The following ARID5B variants were observed in gnomAD, a reference collection of about 807,000 sequenced individuals.
ARID5B encodes the protein AT-rich interaction domain 5B.
In ARID5B, 13 loss-of-function variants were observed where a neutral mutation model predicts 97.2. That is an observed-to-expected ratio of 0.13 (90% confidence interval 0.09 to 0.21). ARID5B has a LOEUF of 0.21. ARID5B is among the 10% of genes least tolerant of loss of function. ARID5B has a pLI of 1.00. For synonymous variants in ARID5B, 556 were observed against 570.3 expected (o/e 0.97, Z 0.36); for missense variants, 1,210 against 1,465.3 (o/e 0.83, Z 2.84).
intron 4 of ARID5B, among the ~76,000 whole-genome samples, chr10:62,030,814 C>T (rs1204286290): frequency 2.6e-5 from 4 of 152,118 alleles, no homozygotes; most frequent in South Asian, 2.1e-4. Context: ...GTTTTTGGAG[C>T]GCAAAGGGTC....
chr10:61,955,116 G>A (rs1336591784), intron 3 of ARID5B, among the ~76,000 whole-genome samples: 1 of 152,124 alleles, frequency 6.6e-6, no homozygotes, highest in Non-Finnish European at 1.5e-5. Flanking sequence ...GGATGCTGTA[G>A]TAGCAACATT....
At chr10:61,949,758 G>A (rs1400382484) in intron 3 of ARID5B, among the ~76,000 whole-genome samples, 1 of 152,182 alleles carries the variant, frequency 6.6e-6, no homozygotes, top group Non-Finnish European at 1.5e-5. Context: ...TGTAGAGATT[G>A]CCATCTGATG....
At position 62,090,863 on chromosome 10, in the gene ARID5B, T is replaced by A; in HGVS notation, c.1400T>A (p.Val467Asp). 1 of 1,567,982 alleles carries A rather than the reference T, an allele frequency of 6.4e-7. No individual in the cohort carries two copies. The highest frequency in any genetic ancestry group is 8.6e-7 in the Non-Finnish European group (1 of 1,164,524). The change falls in exon 10 of 10, where the codon GTT becomes GAT. Residue 467 changes from valine to aspartate, a missense_variant and splice_region_variant. Physicochemically the swap from Val to Asp is radical, Grantham distance 152. This residue lies in a region of ARID5B where 800 missense variants were observed against 839.1 expected (regional missense o/e 0.95). Transcript: ENST00000279873. ...NAPKPQDAAE[V>D]SSEQEKEQET... ...CTGTCTTTTGAAATATGTTACCAGG[T>A]TTCATCAGAGCAAGAAAAAGAACAA...
chr10:61,963,919 AG>A lies in ARID5B; in HGVS notation c.502+23512del, dbSNP rs1427092383. Among the ~76,000 whole-genome samples the A allele has an allele frequency of 3.9e-5, 6 of 152,254 alleles. No homozygotes were observed. In the South Asian group the frequency reaches 1.2e-3, roughly 32 times the overall value. On this transcript the variant is annotated intron_variant, in intron 3 of 9. Transcript: ENST00000279873. ...TCTCAGTTAAAGGAGCTTAACACAG[AG>A]ACAGATGTGCCTGGTGTGAAAAACA...
intron 3 of ARID5B, among the ~76,000 whole-genome samples, chr10:61,991,159 T>C (rs1186617975): frequency 6.6e-6 from 1 of 152,072 alleles, no homozygotes; most frequent in Non-Finnish European, 1.5e-5. Flanking sequence ...ACAATCAACA[T>C]TGGTATGTAA....
At chr10:62,017,351 C>A (rs1415258067) in intron 4 of ARID5B, among the ~76,000 whole-genome samples, 1 of 151,890 alleles carries the variant, frequency 6.6e-6, no homozygotes, top group Non-Finnish European at 1.5e-5. Context: ...ACTGAGGAGG[C>A]TGAGGTGGGA....
At chr10:61,986,784 A>G (rs1448115855) in intron 3 of ARID5B, among the ~76,000 whole-genome samples, 3 of 152,112 alleles carry the variant, frequency 2.0e-5, no homozygotes, top group East Asian at 3.9e-4. Flanking sequence ...ACTTTGGAAA[A>G]CAGCTTGCAA....
chr10:61,973,984 G>A (rs1229645308), intron 3 of ARID5B, among the ~76,000 whole-genome samples: 2 of 152,178 alleles, frequency 1.3e-5, no homozygotes, highest in African/African-American at 4.8e-5. Context: ...CTTTTGCGAT[G>A]TATATACTGT....
Position 62,092,374 on chromosome 10 carries a change from T to G in ARID5B, c.2911T>G (p.Ser971Ala), listed in dbSNP as rs1375363715. The G allele has an allele frequency of 1.2e-6, 2 of 1,614,088 alleles. No homozygotes were observed. Among genetic ancestry groups the G allele is most frequent in the South Asian group, 2.2e-5 (2 of 91,082 alleles). The change falls in exon 10 of 10, where the codon TCG becomes GCG. Residue 971 changes from serine (S) to alanine (A), a missense_variant. By Grantham distance (99) the Ser-to-Ala change is moderately conservative (BLOSUM62 1). Coordinates refer to ENST00000279873, the MANE Select transcript of ARID5B (RefSeq NM_032199.3). ...TMSGPKKYPE[S>A]LSRSGKPHHV... ...GTCAGGCCCTAAAAAATACCCTGAA[T>G]CGCTTTCAAGATCAGGAAAACCTCA...
intron 7 of ARID5B, 26 bp downstream of exon 7, chr10:62,059,321 A>G: frequency 6.2e-7 from 1 of 1,603,484 alleles, no homozygotes; most frequent in Non-Finnish European, 8.5e-7. Flanking sequence ...ACTTAAATGA[A>G]ATAATTTTGC....
intron 8 of ARID5B, among the ~76,000 whole-genome samples, chr10:62,076,484 A>G (rs1449615191): frequency 6.9e-6 from 1 of 144,632 alleles, no homozygotes; most frequent in Non-Finnish European, 1.5e-5. Flanking sequence ...ATGGCTGAAT[A>G]TGGGAAGTGG....
intron 3 of ARID5B, among the ~76,000 whole-genome samples, chr10:61,976,907 T>G (rs568934811): frequency 6.6e-6 from 1 of 151,830 alleles, no homozygotes; most frequent in Non-Finnish European, 1.5e-5. Flanking sequence ...ATGTGCACAA[T>G]GTGCAGGTTT....
intron 2 of ARID5B, among the ~76,000 whole-genome samples, chr10:61,914,937 G>A (rs1049926782): frequency 3.3e-5 from 5 of 152,148 alleles, no homozygotes; most frequent in Admixed American, 1.3e-4. Context: ...ACCAGTGGGC[G>A]AGCTTAGTTT....
Position 62,091,385 on chromosome 10 carries a change from C to T in ARID5B, c.1922C>T (p.Ala641Val), listed in dbSNP as rs772420176. 15 of 1,613,882 alleles carry T rather than the reference C, an allele frequency of 9.3e-6. No homozygotes were observed. Among genetic ancestry groups the T allele is most frequent in the South Asian group, 2.2e-5 (2 of 91,046 alleles). The change falls in exon 10 of 10, where the codon GCG becomes GTG. Residue 641 changes from alanine to valine, a missense_variant. This residue lies in a region of ARID5B where 800 missense variants were observed against 839.1 expected (regional missense o/e 0.95). Transcript: ENST00000279873. The part of the protein sequence containing the change: ...DQLGSDDIHN[A>V]LKQTPKVLVV... ...CTGGGCAGTGACGACATCCACAATGCGCTCAAGCAGACCCCAAAGGTCCTT... is the reference window on the plus strand; with the variant it reads ...CTGGGCAGTGACGACATCCACAATGTGCTCAAGCAGACCCCAAAGGTCCTT...
chr10:62,071,082 C>A (rs1373375446), intron 8 of ARID5B, among the ~76,000 whole-genome samples: 1 of 133,580 alleles, frequency 7.5e-6, no homozygotes, highest in East Asian at 2.3e-4. Flanking sequence ...TGTCACCAGG[C>A]TACAGTGCAG....
At chr10:62,034,028 T>C (rs964459097) in intron 4 of ARID5B, among the ~76,000 whole-genome samples, 1 of 152,196 alleles carries the variant, frequency 6.6e-6, no homozygotes, top group African/African-American at 2.4e-5. Context: ...ACATATCTTT[T>C]TTCAGAAGGA....
intron 2 of ARID5B, among the ~76,000 whole-genome samples, chr10:61,910,701 C>A (rs538958287): frequency 6.6e-6 from 1 of 152,186 alleles, no homozygotes; most frequent in African/African-American, 2.4e-5. Flanking sequence ...TGAAAGGGTG[C>A]TTTAGAATCA....
chr10:61,935,393 C>T (rs756598222), intron 2 of ARID5B, among the ~76,000 whole-genome samples: 3 of 152,028 alleles, frequency 2.0e-5, no homozygotes, highest in Non-Finnish European at 4.4e-5. Flanking sequence ...AAGGAATAAG[C>T]TATCGATACA....
chr10:62,005,527 A>G (rs1489958104), intron 4 of ARID5B, among the ~76,000 whole-genome samples: 1 of 152,196 alleles, frequency 6.6e-6, no homozygotes. Context: ...CTATAATAGA[A>G]CTTTAATGGA....
Sources: allele counts gnomAD v4.1 joint callset (sites outside exome capture counted in the v4.1 genomes callset), GRCh38; gene constraint gnomAD v4.1.1; regional missense constraint gnomAD v4.1.1; transcripts MANE v1.5; gene names NCBI Gene and HGNC (gene_info 2026-07-23, HGNC 2026-07-21).